Variants in TTLL9 observed in about 807,000 individuals in gnomAD.
TTLL9 encodes the protein probable tubulin polyglutamylase TTLL9.
TTLL9 carries 47 observed loss-of-function variants against 65.6 expected under a neutral mutation model. That is an observed-to-expected ratio of 0.72 (90% CI 0.57 to 0.91). The LOEUF is 0.91. Among genes scored for constraint, TTLL9 ranks in the 40% least tolerant of loss-of-function variants. The probability of loss-of-function intolerance (pLI) is 0.00; values close to 1 mark genes in which losing one functional copy is unlikely to be tolerated. For synonymous variants in TTLL9, 179 were observed against 204.8 expected (o/e 0.87, Z 1.07); for missense variants, 537 against 568.8 (o/e 0.94, Z 0.57).
At chr20:31,903,251 T>G (rs1313203841) in intron 4 of TTLL9, among the ~76,000 whole-genome samples, 10 of 152,158 alleles carry the variant, frequency 6.6e-5, no homozygotes, top group African/African-American at 2.4e-4. Flanking sequence ...GGCTAATGAT[T>G]TTTAGCATCT....
chr20:31,887,862 T>TCTTCTCTTCTCTTCTCTTCA (rs2063217487), intron 3 of TTLL9, among the ~76,000 whole-genome samples: 1 of 137,780 alleles, frequency 7.3e-6, no homozygotes, highest in African/African-American at 3.0e-5. Context: ...TCTCCTCTTC[T>TCTTCTCTTCTCTTCTCTTCA]CTTCTCTTCT....
chr20:31,918,767 G>A (rs573146976), intron 6 of TTLL9, among the ~76,000 whole-genome samples: 1 of 152,326 alleles, frequency 6.6e-6, no homozygotes, highest in East Asian at 1.9e-4. Flanking sequence ...GGAAGCTCCT[G>A]ATGCACACTT....
chr20:31,873,111 TATATGA>T, intron 2 of TTLL9: 1 of 462,200 alleles, frequency 2.2e-6, no homozygotes, highest in Non-Finnish European at 4.3e-6. Context: ...GGACTCAGCA[TATATGA>T]ATATTTTCAC....
chr20:31,888,876 C>T (rs1398629707), intron 3 of TTLL9, among the ~76,000 whole-genome samples: 2 of 152,034 alleles, frequency 1.3e-5, no homozygotes, highest in Admixed American at 1.3e-4. Flanking sequence ...TCACTTATCA[C>T]CAAGGGGATG....
intron 6 of TTLL9, among the ~76,000 whole-genome samples, chr20:31,915,207 C>T (rs1361844164): frequency 2.0e-5 from 3 of 152,308 alleles, no homozygotes; most frequent in East Asian, 1.9e-4. Flanking sequence ...ATCGGCCGGG[C>T]GCGGTGGCTC....
Position 31,870,644 on chromosome 20 carries a change from G to T in TTLL9, c.-311G>T. The stretch of plus-strand genomic sequence containing the variant: ...GCCGGACAAAGCCCCAGTGTGCCGG[G>T]CCCACGGCCCGCGGGACAACGGCAG... On this transcript the variant is annotated 5_prime_UTR_variant, in exon 1 of 15. Coordinates refer to ENST00000535842, the MANE Select transcript of TTLL9 (RefSeq NM_001008409.5). The surrounding 1 kb of genome is among the most constrained non-coding windows in gnomAD (Gnocchi z 6.6). The T allele has an allele frequency of 7.7e-7, 1 of 1,292,850 alleles. No homozygotes were observed. The highest frequency in any genetic ancestry group is 9.9e-7 in the Non-Finnish European group (1 of 1,013,968). 80.1% of individuals were successfully genotyped at this position (1,292,850 alleles called of 1,614,324 possible).
intron 10 of TTLL9, among the ~76,000 whole-genome samples, chr20:31,933,511 A>G (rs1383869761): frequency 6.6e-6 from 1 of 152,258 alleles, no homozygotes; most frequent in African/African-American, 2.4e-5. Flanking sequence ...GAAGAGGCAC[A>G]GTATTTAACC....
intron 2 of TTLL9, chr20:31,879,823 A>T (rs913130628): frequency 1.3e-6 from 2 of 1,548,638 alleles, no homozygotes; most frequent in East Asian, 2.4e-5. Flanking sequence ...TGGCAACGGG[A>T]CGCATAAGCA....
intron 3 of TTLL9, among the ~76,000 whole-genome samples, chr20:31,887,907 T>TCTCTTCTCTTCTC (rs2123418461): frequency 6.6e-6 from 1 of 151,776 alleles, no homozygotes; most frequent in East Asian, 1.9e-4. Context: ...TCTTCTCTTT[T>TCTCTTCTCTTCTC]GAGTTTCACT....
At chr20:31,896,825 T>TG (rs1326250311) in intron 3 of TTLL9, among the ~76,000 whole-genome samples, 1 of 152,216 alleles carries the variant, frequency 6.6e-6, no homozygotes, top group African/African-American at 2.4e-5. Flanking sequence ...ACACCATGCC[T>TG]GGCTCATGGA....
chr20:31,940,180 A>G (rs1300368152), intron 14 of TTLL9: 3 of 152,218 alleles, frequency 2.0e-5, no homozygotes, highest in Non-Finnish European at 2.9e-5. Flanking sequence ...CTTTCCAGAA[A>G]GATTATACGA....
chr20:31,927,958 G>A (rs1012839525), intron 10 of TTLL9, among the ~76,000 whole-genome samples: 3 of 151,760 alleles, frequency 2.0e-5, no homozygotes, highest in Non-Finnish European at 2.9e-5. Flanking sequence ...TTTTGCCAAC[G>A]TCAGCACTTC....
rs532948822 is a variant in TTLL9, at chr20:31,884,478, C to T, written c.70-2718C>T. Among the ~76,000 whole-genome samples, 20 of 152,288 alleles carry T rather than the reference C, an allele frequency of 1.3e-4. 2 individuals are homozygous for T. Among genetic ancestry groups the T allele is most frequent in the South Asian group, 4.1e-4 (2 of 4,824 alleles). On this transcript the variant is annotated intron_variant, in intron 2 of 14. Coordinates refer to ENST00000535842, the MANE Select transcript of TTLL9 (RefSeq NM_001008409.5). ...CTGACCTCAAATGATCTGCCTGCTT[C>T]GGCCTCCCAAAGTGCTGGGATTACA...
rs750507029 is a variant in TTLL9, at chr20:31,908,709, T to C, written c.318+7T>C. 1.9e-6 allele frequency: 3 copies of C among 1,611,352 alleles called. No individual in the cohort carries two copies. The Admixed American group carries it at 5.0e-5, about 27-fold the overall frequency. ...CTTCCGGAACCACTATGAGGTGAGC[T>C]GGGCAGGCGGGAGGGACTGTGCCAA... On this transcript the variant is annotated splice_region_variant and intron_variant, in intron 5 of 14. Transcript: ENST00000535842.
chr20:31,873,793 AAAGGAAGGAAGG>A (rs869090935), intron 2 of TTLL9, among the ~76,000 whole-genome samples: 54 of 127,630 alleles, frequency 4.2e-4, no homozygotes, highest in African/African-American at 1.5e-3. Flanking sequence ...AAAAAGAAAG[AAAGGAAGGAAGG>A]AAGGAAGGAA....
intron 7 of TTLL9, among the ~76,000 whole-genome samples, chr20:31,921,723 A>G (rs1404890354): frequency 2.0e-5 from 3 of 152,172 alleles, no homozygotes; most frequent in Non-Finnish European, 4.4e-5. Context: ...TATTGCAAGG[A>G]CAGAAAACCA....
chr20:31,913,258 A>G (rs1240314150), intron 6 of TTLL9, among the ~76,000 whole-genome samples: 1 of 152,198 alleles, frequency 6.6e-6, no homozygotes, highest in Non-Finnish European at 1.5e-5. Flanking sequence ...AGCCTAATCA[A>G]GTTGACACGT....
chr20:31,907,583 C>T (rs564297852), intron 4 of TTLL9, among the ~76,000 whole-genome samples: 6 of 151,868 alleles, frequency 4.0e-5, no homozygotes, highest in Non-Finnish European at 8.8e-5. Flanking sequence ...TAGCCAGTTG[C>T]GGTGGTGGGC....
At chr20:31,919,301 A>AT (rs1448561354) in intron 6 of TTLL9, among the ~76,000 whole-genome samples, 5 of 152,112 alleles carry the variant, frequency 3.3e-5, no homozygotes, top group Non-Finnish European at 7.4e-5. Context: ...GCTGTTTGGC[A>AT]TTGGTGGGGG....
Sources: allele counts gnomAD v4.1 joint callset (sites outside exome capture counted in the v4.1 genomes callset), GRCh38; gene constraint gnomAD v4.1.1; non-coding constraint Gnocchi (gnomAD v3.1); transcripts MANE v1.5; gene names NCBI Gene and HGNC (gene_info 2026-07-23, HGNC 2026-07-21).